Variants in LRRTM4 observed in about 807,000 individuals in gnomAD.
LRRTM4 encodes leucine rich repeat transmembrane neuronal 4.
Under a neutral mutation model 47.6 loss-of-function variants are expected in LRRTM4, and 25 were observed. That is an observed-to-expected ratio of 0.53 (90% confidence interval 0.38 to 0.73). The LOEUF is 0.73. Ranked by LOEUF, LRRTM4 falls within the 30% of genes least tolerant of loss-of-function variation. The pLI is 0.00. For missense variants in LRRTM4, 638 were observed against 713.4 expected, an observed-to-expected ratio of 0.89 and a Z score of 1.20; for synonymous variants, 311 against 269.5, an observed-to-expected ratio of 1.15 and a Z score of -1.51.
intron 3 of LRRTM4, among the ~76,000 whole-genome samples, chr2:76,776,259 T>C (rs1054770917): frequency 6.6e-6 from 1 of 152,238 alleles, no homozygotes; most frequent in African/African-American, 2.4e-5. Flanking sequence ...TTATAATCCT[T>C]TGGGTATATA....
Position 77,140,127 on chromosome 2 carries a change from T to TA in LRRTM4, c.1551+378190dup, listed in dbSNP as rs200643861. On this transcript the variant is annotated intron_variant, in intron 3 of 3. Transcript: ENST00000409884. Reference sequence around the variant, plus strand: ...TTTGCAGAATTGGAAAAAGCTACTTTAAAGTTCATATGGAACCAAAAAAGG... The same window carrying TA: ...TTTGCAGAATTGGAAAAAGCTACTTTAAAAGTTCATATGGAACCAAAAAAGG... Among the ~76,000 whole-genome samples, 1,420 of 152,268 alleles carry TA rather than the reference T, an allele frequency of 9.3e-3. 23 individuals carry two copies. The highest frequency in any genetic ancestry group is 0.037 in the Middle Eastern group (11 of 294).
chr2:76,984,050 T>A (rs1013934002), intron 3 of LRRTM4, among the ~76,000 whole-genome samples: 1 of 152,104 alleles, frequency 6.6e-6, no homozygotes, highest in Non-Finnish European at 1.5e-5. Flanking sequence ...TGAATGAAGA[T>A]TCACCACATG....
At position 77,118,944 on chromosome 2, in the gene LRRTM4, C is replaced by T. The variant is rs559214871; in HGVS notation, c.1552-370028G>A. Among the ~76,000 whole-genome samples the T allele has an allele frequency of 9.9e-5, 15 of 151,814 alleles. No individual in the cohort carries two copies. In the East Asian group the frequency reaches 2.7e-3, roughly 27 times the overall value. ...TTATGCTGCGATAACATATGTAAACCAAGATGTCCAAAGCTAGCCAGGCAT... is the reference window on the plus strand; with the variant it reads ...TTATGCTGCGATAACATATGTAAACTAAGATGTCCAAAGCTAGCCAGGCAT... On this transcript the variant is annotated intron_variant, in intron 3 of 3. Transcript: ENST00000409884.
chr2:77,285,674 A>C (rs1160093958), intron 3 of LRRTM4, among the ~76,000 whole-genome samples: 1 of 151,866 alleles, frequency 6.6e-6, no homozygotes, highest in Non-Finnish European at 1.5e-5. Flanking sequence ...CTCCAGAGGC[A>C]GAGGCTGCAG....
rs751074111 is a variant in LRRTM4, at chr2:77,518,672, A to T, written c.1197T>A (p.Phe399Leu). The T allele has an allele frequency of 6.2e-7, 1 of 1,613,442 alleles. No individual in the cohort carries two copies. Among genetic ancestry groups the T allele is most frequent in the Non-Finnish European group, 8.5e-7 (1 of 1,179,642 alleles). ...IFKPDVTQST[F>L]ETPSPSPGFQ... ...ACCCTGGGGAAGGGCTTGGTGTTTC[A>T]AAGGTGGATTGGGTGACGTCAGGTT... The change falls in exon 3 of 4, where the codon TTT becomes TTA. Residue 399 changes from phenylalanine to leucine, a missense_variant. Phe to Leu is a conservative substitution (Grantham distance 22). Transcript: ENST00000409884.
chr2:77,128,421 G>GAT (rs1399272721), intron 3 of LRRTM4, among the ~76,000 whole-genome samples: 19 of 150,696 alleles, frequency 1.3e-4, no homozygotes, highest in Admixed American at 8.0e-4. Context: ...TAGATAGATA[G>GAT]AGAAATGTCC....
chr2:77,245,008 C>A (rs1293290441), intron 3 of LRRTM4, among the ~76,000 whole-genome samples: 1 of 152,074 alleles, frequency 6.6e-6, no homozygotes, highest in African/African-American at 2.4e-5. Flanking sequence ...CCAGTCAAGC[C>A]AAGCCCACAT....
chr2:77,179,571 C>T lies in LRRTM4; in HGVS notation c.1551+338747G>A, dbSNP rs545384262. 2.6e-5 allele frequency among the ~76,000 whole-genome samples: 4 copies of T among 152,080 alleles called. No homozygotes were observed. The South Asian group carries it at 6.2e-4, about 24-fold the overall frequency. On this transcript the variant is annotated intron_variant, in intron 3 of 3. Transcript: ENST00000409884. ...GAAGACTGTGTGGATGAGAGTAAGT[C>T]ACTTAAGGTTTAGGGGTTTAATGTT...
At chr2:77,149,378 T>C (rs1397284600) in intron 3 of LRRTM4, among the ~76,000 whole-genome samples, 6 of 152,172 alleles carry the variant, frequency 3.9e-5, no homozygotes, top group African/African-American at 1.4e-4. Flanking sequence ...CTCATATTTA[T>C]GTCTCCCATT....
intron 3 of LRRTM4, among the ~76,000 whole-genome samples, chr2:77,094,682 A>C (rs1341883734): frequency 2.0e-5 from 3 of 152,190 alleles, no homozygotes; most frequent in Non-Finnish European, 2.9e-5. Context: ...ACATTGGGTC[A>C]AGGTTAGTCT....
chr2:77,066,723 A>C (rs183415852), intron 3 of LRRTM4, among the ~76,000 whole-genome samples: 2 of 152,362 alleles, frequency 1.3e-5, no homozygotes, highest in East Asian at 3.9e-4. Context: ...ATATTTTTAC[A>C]TAGGAAAGGT....
intron 3 of LRRTM4, among the ~76,000 whole-genome samples, chr2:77,233,923 G>T (rs1292668992): frequency 6.6e-6 from 1 of 151,990 alleles, no homozygotes; most frequent in East Asian, 1.9e-4. Flanking sequence ...TCAGCCTCCC[G>T]AGTAGCTGGG....
chr2:76,751,576 C>T (rs1672849194), intron 3 of LRRTM4, among the ~76,000 whole-genome samples: 3 of 152,048 alleles, frequency 2.0e-5, no homozygotes, highest in Admixed American at 2.0e-4. Context: ...TAAAAGTTAG[C>T]TCTAATCTCC....
intron 3 of LRRTM4, among the ~76,000 whole-genome samples, chr2:77,206,689 G>A (rs1170147764): frequency 6.6e-6 from 1 of 151,956 alleles, no homozygotes; most frequent in South Asian, 2.1e-4. Flanking sequence ...TCAACATGTT[G>A]GCCAGGCTGG....
At chr2:76,821,740 A>G (rs1048515439) in intron 3 of LRRTM4, among the ~76,000 whole-genome samples, 5 of 151,746 alleles carry the variant, frequency 3.3e-5, no homozygotes, top group Non-Finnish European at 7.4e-5. Flanking sequence ...TGCTTATCCC[A>G]GCAGGGGGAA....
chr2:76,883,924 T>C (rs1469799061), intron 3 of LRRTM4, among the ~76,000 whole-genome samples: 1 of 152,052 alleles, frequency 6.6e-6, no homozygotes, highest in African/African-American at 2.4e-5. Context: ...GTTCAAATGA[T>C]ACTCCTGCCT....
At chr2:77,146,040 T>C (rs181770047) in intron 3 of LRRTM4, among the ~76,000 whole-genome samples, 4 of 152,254 alleles carry the variant, frequency 2.6e-5, no homozygotes, top group Non-Finnish European at 4.4e-5. Context: ...AAATTTGGCC[T>C]CTTAAAATCC....
chr2:77,035,421 C>G (rs1263917757), intron 3 of LRRTM4, among the ~76,000 whole-genome samples: 2 of 151,832 alleles, frequency 1.3e-5, no homozygotes, highest in Non-Finnish European at 2.9e-5. Flanking sequence ...CTACGAAGGT[C>G]CGTCCTCCCT....
At chr2:77,332,478 C>A (rs1017663176) in intron 3 of LRRTM4, among the ~76,000 whole-genome samples, 18 of 152,070 alleles carry the variant, frequency 1.2e-4, no homozygotes, top group Admixed American at 1.1e-3. Flanking sequence ...GGTATGTATG[C>A]ATAGGATAAT....
Sources: gnomAD v4.1 joint callset for allele counts (sites outside exome capture counted in the v4.1 genomes callset) on GRCh38, gnomAD v4.1.1 for gene constraint, MANE v1.5 for transcripts, NCBI Gene and HGNC (gene_info 2026-07-23, HGNC 2026-07-21) for gene names.